The following ZNF534 variants were observed in gnomAD, a reference collection of about 807,000 sequenced individuals.
The protein encoded by ZNF534 is KRAB domain only 3.
ZNF534 carries 19 observed loss-of-function variants against 13.6 expected under a neutral mutation model. That is an observed-to-expected ratio of 1.40 (90% CI 0.97 to 2.05). The LOEUF (loss-of-function observed/expected upper bound fraction) is 2.05. ZNF534 is among the 30% of genes most tolerant of loss of function. ZNF534 has a pLI of 0.00. For missense variants in ZNF534, 782 were observed against 796.3 expected (o/e 0.98, Z 0.22); for synonymous variants, 244 against 273.8 (o/e 0.89, Z 1.07).
chr19:52,443,362 AG>A (rs1382300088), downstream of ZNF534, among the ~76,000 whole-genome samples: 6 of 152,208 alleles, frequency 3.9e-5, no homozygotes, highest in Non-Finnish European at 7.3e-5. Flanking sequence ...CTAAACTTTT[AG>A]ATTTCTCATC....
At chr19:52,446,310 C>T (rs1329405612), downstream of ZNF534, among the ~76,000 whole-genome samples, 1 of 152,120 alleles carries the variant, frequency 6.6e-6, no homozygotes, top group East Asian at 1.9e-4. Flanking sequence ...TTCCTATTCC[C>T]ACCAGAGGAT....
At chr19:52,444,380 C>T (rs1408612033), downstream of ZNF534, among the ~76,000 whole-genome samples, 1 of 152,094 alleles carries the variant, frequency 6.6e-6, no homozygotes, top group Non-Finnish European at 1.5e-5. Flanking sequence ...GCTGTGGACA[C>T]CAGGACCTGC....
At chr19:52,451,763 G>A (rs1237510267) in exon 5 of ZNF534, 1 of 686,254 alleles carries the variant, frequency 1.5e-6, no homozygotes, top group East Asian at 2.7e-5. Flanking sequence ...GAAGATTATA[G>A]AGGAAATGTT....
chr19:52,430,624 C>T (rs1394223731), intron 1 of ZNF534, among the ~76,000 whole-genome samples: 1 of 150,236 alleles, frequency 6.7e-6, no homozygotes, highest in Non-Finnish European at 1.5e-5. Context: ...AATCTTGGCT[C>T]ACTGCAACCT....
At chr19:52,433,834 T>A (rs1334257968) in intron 2 of ZNF534, 121 bp from the exon 3 acceptor site, 3 of 1,090,688 alleles carry the variant, frequency 2.8e-6, no homozygotes, top group Non-Finnish European at 4.2e-6. Context: ...AAGAATCCTT[T>A]AATGTGGATT....
Position 52,437,772 on chromosome 19 carries a change from A to C in ZNF534, c.312A>C (p.Ser104=). 1 of 1,598,496 alleles carries C rather than the reference A, an allele frequency of 6.3e-7. No individual in the cohort carries two copies. The highest frequency in any genetic ancestry group is 8.5e-7 in the Non-Finnish European group (1 of 1,172,034). Reference sequence around the variant, plus strand: ...TGGGAAGCAGTGCAGGAAACAAGTCACTTAAAAATCAACATGGATTAACTC... The same window carrying C: ...TGGGAAGCAGTGCAGGAAACAAGTCCCTTAAAAATCAACATGGATTAACTC... ...SKLGSSAGNK[S]LKNQHGLTLQ... Residue 104 remains serine (S), a synonymous_variant, in exon 5 of 5, where the codon TCA becomes TCC. Coordinates refer to ENST00000433050, the MANE Select transcript of ZNF534 (RefSeq NM_001143938.3).
Position 52,439,743 on chromosome 19 carries a change from T to G in ZNF534, c.*297T>G, listed in dbSNP as rs1599867771. On this transcript the variant is annotated 3_prime_UTR_variant, in exon 5 of 5. Coordinates refer to ENST00000433050, the MANE Select transcript of ZNF534 (RefSeq NM_001143938.3). ...CTGCACTCCAGCCTAGGTGACAGAG[T>G]GAAACTCCATCTCAAAAAAAGAAAA... 2.6e-5 allele frequency among the ~76,000 whole-genome samples: 3 copies of G among 115,976 alleles called. No homozygotes were observed. Among genetic ancestry groups the G allele is most frequent in the Non-Finnish European group, 3.5e-5 (2 of 56,732 alleles). 76.1% of individuals were successfully genotyped at this position (115,976 alleles called of 152,430 possible).
chr19:52,438,923 A>G lies in ZNF534; in HGVS notation c.1463A>G (p.His488Arg). Residue 488 changes from histidine to arginine, a missense_variant, in exon 5 of 5, where the codon CAT becomes CGT. His to Arg is a conservative substitution (Grantham distance 29). Coordinates refer to ENST00000433050, the MANE Select transcript of ZNF534 (RefSeq NM_001143938.3). ...NSNLQRHRKI[H>R]TGEKLYKCNE... is the part of the protein sequence containing the mutation. ...AACCTTCAACGACATAGGAAAATTC[A>G]TACTGGAGAGAAGCTTTACAAATGT... 1 of 1,594,150 alleles carries G rather than the reference A, an allele frequency of 6.3e-7. No homozygotes were observed. The highest frequency in any genetic ancestry group is 8.6e-7 in the Non-Finnish European group (1 of 1,168,008).
chr19:52,450,688 TTTGTTTTTG>T (rs1249785614), intron 4 of ZNF534, among the ~76,000 whole-genome samples: 13,888 of 42,126 alleles, frequency 0.33, 3,575 homozygotes, highest in African/African-American at 0.41. Flanking sequence ...TTTTTTTGTT[TTTGTTTTTG>T]TTTTTTTTTT....
chr19:52,436,005 T>C (rs2059126970), intron 4 of ZNF534, among the ~76,000 whole-genome samples: 1 of 149,516 alleles, frequency 6.7e-6, no homozygotes, highest in African/African-American at 2.5e-5. Context: ...GGCATGATCT[T>C]GGCTCACTGC....
downstream of ZNF534, among the ~76,000 whole-genome samples, chr19:52,444,159 ATGT>A (rs1385472869): frequency 6.6e-5 from 10 of 152,024 alleles, no homozygotes; most frequent in East Asian, 1.9e-3. Flanking sequence ...GGGCTTAAGG[ATGT>A]TGTTCAGATT....
At chr19:52,432,172 G>C (rs1194181620) in intron 2 of ZNF534, among the ~76,000 whole-genome samples, 3 of 151,862 alleles carry the variant, frequency 2.0e-5, no homozygotes, top group East Asian at 3.9e-4. Flanking sequence ...GGCTATAAGA[G>C]GCAATGAGGC....
intron 4 of ZNF534, among the ~76,000 whole-genome samples, chr19:52,436,337 A>G (rs1199151391): frequency 1.3e-5 from 2 of 152,080 alleles, no homozygotes; most frequent in Admixed American, 6.6e-5. Flanking sequence ...TTCCTATTAT[A>G]TGTCAAGTCT....
intron 2 of ZNF534, among the ~76,000 whole-genome samples, chr19:52,433,390 G>A (rs868027374): frequency 1.8e-4 from 27 of 150,580 alleles, no homozygotes; most frequent in African/African-American, 4.4e-4. Flanking sequence ...GGGAGGGGAC[G>A]GAGTCTCACT....
chr19:52,443,533 C>G (rs2059183849), downstream of ZNF534, among the ~76,000 whole-genome samples: 1 of 152,198 alleles, frequency 6.6e-6, no homozygotes, highest in Non-Finnish European at 1.5e-5. Context: ...GGGCATATCA[C>G]CAGGTCAGGA....
intron 2 of ZNF534, among the ~76,000 whole-genome samples, chr19:52,432,795 G>T (rs2059096974): frequency 6.6e-6 from 1 of 151,972 alleles, no homozygotes; most frequent in African/African-American, 2.4e-5. Context: ...TCCATGCCCA[G>T]CTCATTTTTT....
At chr19:52,437,666 GTTT>G (rs2059136832) in intron 4 of ZNF534, 63 bp from the exon 5 acceptor site, 1 of 1,423,738 alleles carries the variant, frequency 7.0e-7, no homozygotes, top group Middle Eastern at 2.6e-4. Context: ...GCAGAATCTT[GTTT>G]TCTGTCAGAC....
chr19:52,451,670 C>G (rs2059217425), exon 5 of ZNF534: 2 of 659,262 alleles, frequency 3.0e-6, no homozygotes, highest in African/African-American at 3.7e-5. Context: ...GACAGCGCTT[C>G]CTTCTGGATG....
chr19:52,451,328 C>T (rs1252701057), exon 5 of ZNF534: 3 of 1,127,788 alleles, frequency 2.7e-6, no homozygotes, highest in Non-Finnish European at 4.0e-6. Context: ...CTACCATTTC[C>T]TTCCGTTTCT....
Sources: allele counts gnomAD v4.1 joint callset (sites outside exome capture counted in the v4.1 genomes callset), GRCh38; gene constraint gnomAD v4.1.1; transcripts MANE v1.5; gene names NCBI Gene and HGNC (gene_info 2026-07-23, HGNC 2026-07-21).